The following HDAC9 variants were observed in gnomAD, a reference collection of about 807,000 sequenced individuals.
HDAC9 encodes histone deacetylase 9.
HDAC9 carries 41 observed loss-of-function variants against 139.4 expected under a neutral mutation model. The observed-to-expected ratio is 0.29, with a 90% CI of 0.23 to 0.38. The LOEUF is 0.38. Among genes scored for constraint, HDAC9 ranks in the 10% least tolerant of loss-of-function variants. HDAC9 has a pLI of 1.00. For missense variants in HDAC9, 1,147 were observed against 1,297.0 expected (o/e 0.88, Z 1.78); for synonymous variants, 517 against 476.2 (o/e 1.09, Z -1.12).
intron 1 of HDAC9, chr7:18,395,110 A>C (rs1455644746): frequency 6.6e-6 from 1 of 152,120 alleles, no homozygotes; most frequent in African/African-American, 2.4e-5. Flanking sequence ...TTTCTACCAA[A>C]ATAGGAGTAC....
chr7:18,622,483 C>G (rs530110249), intron 6 of HDAC9, among the ~76,000 whole-genome samples: 1 of 151,954 alleles, frequency 6.6e-6, no homozygotes, highest in South Asian at 2.1e-4. Flanking sequence ...CCACCACACC[C>G]GGCTAATTTT....
intron 17 of HDAC9, among the ~76,000 whole-genome samples, chr7:18,815,214 T>TC (rs1447111551): frequency 6.6e-6 from 1 of 152,180 alleles, no homozygotes; most frequent in African/African-American, 2.4e-5. Context: ...ATTTATTTTT[T>TC]TTTTGAAGTT....
At chr7:18,099,506 C>T (rs1057375541) in intron 1 of HDAC9, among the ~76,000 whole-genome samples, 5 of 151,908 alleles carry the variant, frequency 3.3e-5, no homozygotes, top group Admixed American at 6.6e-5. Flanking sequence ...TCATCAAAGG[C>T]CTTTGCTTAA....
intron 13 of HDAC9, among the ~76,000 whole-genome samples, chr7:18,745,993 G>GCAATTC (rs1787937915): frequency 7.0e-6 from 1 of 142,728 alleles, no homozygotes; most frequent in African/African-American, 2.6e-5. Context: ...CTGGGCTCAA[G>GCAATTC]CAATTCTCCC....
intron 22 of HDAC9, among the ~76,000 whole-genome samples, chr7:18,921,743 A>G (rs2129297023): frequency 6.6e-6 from 1 of 152,264 alleles, no homozygotes; most frequent in African/African-American, 2.4e-5. Context: ...TACCCAAAGG[A>G]CTATAAATCA....
At chr7:18,473,913 C>T (rs1268944557) in intron 1 of HDAC9, among the ~76,000 whole-genome samples, 1 of 152,162 alleles carries the variant, frequency 6.6e-6, no homozygotes, top group Non-Finnish European at 1.5e-5. Context: ...TATAAAAAGA[C>T]TCTTGTATGA....
At chr7:18,394,595 T>C (rs530672485) in intron 1 of HDAC9, among the ~76,000 whole-genome samples, 21 of 152,204 alleles carry the variant, frequency 1.4e-4, no homozygotes, top group African/African-American at 5.1e-4. Flanking sequence ...ATGTGTGTTA[T>C]GTGTGGTTTT....
At chr7:18,470,811 C>T (rs1310641700) in intron 1 of HDAC9, among the ~76,000 whole-genome samples, 1 of 152,096 alleles carries the variant, frequency 6.6e-6, no homozygotes, top group Non-Finnish European at 1.5e-5. Flanking sequence ...CTTACACCTT[C>T]CTGAATTAGA....
At chr7:18,573,815 C>T (rs1464755961) in intron 2 of HDAC9, among the ~76,000 whole-genome samples, 1 of 152,190 alleles carries the variant, frequency 6.6e-6, no homozygotes, top group East Asian at 1.9e-4. Flanking sequence ...TTGGAGATGC[C>T]TGGAACCACT....
At chr7:18,133,979 TA>T (rs1392460339) in intron 1 of HDAC9, among the ~76,000 whole-genome samples, 1 of 149,332 alleles carries the variant, frequency 6.7e-6, no homozygotes, top group Non-Finnish European at 1.5e-5. Context: ...TTCATCCATC[TA>T]TTTTTTTTTT....
intron 22 of HDAC9, among the ~76,000 whole-genome samples, chr7:18,916,022 G>GGGAAAAAAAAAAA (rs1491394538): frequency 7.2e-6 from 1 of 138,122 alleles, no homozygotes; most frequent in African/African-American, 2.6e-5. Context: ...CCCCCCGCTG[G>GGGAAAAAAAAAAA]AAAAAAAAAA....
At chr7:18,688,294 T>A (rs1421669058) in intron 12 of HDAC9, among the ~76,000 whole-genome samples, 1 of 151,786 alleles carries the variant, frequency 6.6e-6, no homozygotes, top group African/African-American at 2.4e-5. Context: ...GTCTGTTTAG[T>A]CTAGCCTTAG....
At chr7:18,833,736 T>C (rs1796024203) in intron 19 of HDAC9, among the ~76,000 whole-genome samples, 1 of 152,166 alleles carries the variant, frequency 6.6e-6, no homozygotes, top group Admixed American at 6.5e-5. Flanking sequence ...TGCCCCAACA[T>C]TATGATTTCT....
chr7:18,930,611 A>G (rs761329108), intron 22 of HDAC9, among the ~76,000 whole-genome samples: 102 of 123,954 alleles, frequency 8.2e-4, no homozygotes, highest in Non-Finnish European at 1.4e-3. Context: ...AATTCAGGAT[A>G]ATAAAATTAA....
chr7:18,558,820 G>T (rs1819678206), intron 2 of HDAC9, among the ~76,000 whole-genome samples: 1 of 152,186 alleles, frequency 6.6e-6, no homozygotes, highest in Admixed American at 6.5e-5. Flanking sequence ...CACAGTAAAG[G>T]TTTCTCAGAT....
chr7:18,702,321 G>T (rs749704844), intron 12 of HDAC9, among the ~76,000 whole-genome samples: 1 of 152,164 alleles, frequency 6.6e-6, no homozygotes, highest in Non-Finnish European at 1.5e-5. Context: ...CTTGGGGGCC[G>T]TAAGGAGAAC....
chr7:18,758,470 T>C (rs1789080145), intron 14 of HDAC9, among the ~76,000 whole-genome samples: 1 of 152,100 alleles, frequency 6.6e-6, no homozygotes, highest in African/African-American at 2.4e-5. Flanking sequence ...GTTGAAAATA[T>C]GAGAAGTGAT....
At chr7:18,482,367 G>A (rs1282134609) in intron 1 of HDAC9, among the ~76,000 whole-genome samples, 1 of 41,714 alleles carries the variant, frequency 2.4e-5, no homozygotes, top group African/African-American at 1.1e-4. Flanking sequence ...AACATAGTAA[G>A]ACCTGGACTC....
intron 14 of HDAC9, among the ~76,000 whole-genome samples, chr7:18,758,388 C>G (rs1584985069): frequency 1.3e-5 from 2 of 152,248 alleles, no homozygotes; most frequent in Middle Eastern, 3.4e-3. Flanking sequence ...TTTTTTGACT[C>G]TTTATGCTAT....
Sources: allele counts gnomAD v4.1 joint callset (sites outside exome capture counted in the v4.1 genomes callset), GRCh38; gene constraint gnomAD v4.1.1; transcripts MANE v1.5; gene names NCBI Gene and HGNC (gene_info 2026-07-23, HGNC 2026-07-21).